The following NCOA5 variants were observed in gnomAD, a reference collection of about 807,000 sequenced individuals.
NCOA5 encodes nuclear receptor coactivator 5, also known as NCoA-5.
Under a neutral mutation model 59.0 loss-of-function variants are expected in NCOA5, and 12 were observed. The observed-to-expected ratio is 0.20, with a 90% CI of 0.13 to 0.33. The LOEUF is 0.33. Ranked by LOEUF, NCOA5 falls within the 10% of genes least tolerant of loss-of-function variation. The pLI is 1.00. For synonymous variants in NCOA5, 270 were observed against 275.5 expected (o/e 0.98, Z 0.20); for missense variants, 655 against 766.6 (o/e 0.85, Z 1.72).
intron 4 of NCOA5, among the ~76,000 whole-genome samples, chr20:46,068,088 AC>A (rs1292123225): frequency 6.6e-6 from 1 of 152,048 alleles, no homozygotes. Flanking sequence ...GCACCACTGC[AC>A]CAAGACAATT....
At chr20:46,087,092 T>C (rs1479295306) in intron 1 of NCOA5, among the ~76,000 whole-genome samples, 1 of 152,202 alleles carries the variant, frequency 6.6e-6, no homozygotes, top group Non-Finnish European at 1.5e-5. Flanking sequence ...AACTAGTTTA[T>C]CAGTCTCATA....
chr20:46,062,932 C>A, intron 7 of NCOA5, 43 bp from the exon 8 acceptor site: 6 of 1,484,768 alleles, frequency 4.0e-6, no homozygotes, highest in Middle Eastern at 2.3e-4. Context: ...AAGTACCCCC[C>A]AAGGGCAGGA....
intron 2 of NCOA5, among the ~76,000 whole-genome samples, chr20:46,072,674 T>C (rs2084895163): frequency 6.6e-6 from 1 of 152,194 alleles, no homozygotes; most frequent in Admixed American, 6.5e-5. Flanking sequence ...TTTACGTGAG[T>C]AGCAGGAAGA....
chr20:46,069,320 A>G (rs2084857060), intron 3 of NCOA5, among the ~76,000 whole-genome samples: 1 of 152,238 alleles, frequency 6.6e-6, no homozygotes, highest in African/African-American at 2.4e-5. Flanking sequence ...AAATCATACA[A>G]TATTTGTCTT....
intron 1 of NCOA5, among the ~76,000 whole-genome samples, chr20:46,083,315 AG>A (rs1187050414): frequency 6.6e-6 from 1 of 152,240 alleles, no homozygotes; most frequent in Non-Finnish European, 1.5e-5. Flanking sequence ...CAGCATGAAA[AG>A]GAAGTCTGCA....
At chr20:46,077,640 T>A (rs2084951368) in intron 2 of NCOA5, among the ~76,000 whole-genome samples, 1 of 152,186 alleles carries the variant, frequency 6.6e-6, no homozygotes, top group African/African-American at 2.4e-5. Flanking sequence ...CAGTGTCTTT[T>A]ATAGTTACAA....
At chr20:46,077,201 T>C (rs1346830524) in intron 2 of NCOA5, among the ~76,000 whole-genome samples, 1 of 152,206 alleles carries the variant, frequency 6.6e-6, no homozygotes, top group Non-Finnish European at 1.5e-5. Flanking sequence ...TGGGCCACTG[T>C]GCCTGGCTAG....
intron 1 of NCOA5, among the ~76,000 whole-genome samples, chr20:46,083,698 ATTAC>A (rs1331192218): frequency 2.0e-5 from 3 of 152,244 alleles, no homozygotes; most frequent in African/African-American, 7.2e-5. Context: ...ACAATCAAGA[ATTAC>A]TAAAGTGGCA....
At chr20:46,086,309 G>C (rs1285316394) in intron 1 of NCOA5, among the ~76,000 whole-genome samples, 1 of 152,176 alleles carries the variant, frequency 6.6e-6, no homozygotes, top group Non-Finnish European at 1.5e-5. Flanking sequence ...TGATTCTTAT[G>C]AGGTGAACTA....
chr20:46,063,771 C>T, intron 6 of NCOA5, 91 bp from the exon 7 acceptor site: 1 of 1,264,604 alleles, frequency 7.9e-7, no homozygotes, highest in Non-Finnish European at 1.1e-6. Context: ...TAACCTCATA[C>T]CAGCAAGAAA....
intron 6 of NCOA5, 45 bp from the exon 7 acceptor site, chr20:46,063,725 T>A: frequency 6.4e-7 from 1 of 1,563,876 alleles, no homozygotes; most frequent in Non-Finnish European, 8.7e-7. Flanking sequence ...ATGACATATT[T>A]AAGTGCCCAC....
chr20:46,070,667 T>A, intron 2 of NCOA5, 131 bp from the exon 3 acceptor site: 1 of 792,042 alleles, frequency 1.3e-6, no homozygotes, highest in Non-Finnish European at 2.0e-6. Flanking sequence ...AGAACATGAC[T>A]CAACATTTAA....
Position 46,062,483 on chromosome 20 carries a change from A to G in NCOA5, c.1557T>C (p.Ala519=), listed in dbSNP as rs1414957821. ...FGQPSSRLAP[A]SNMTSQRPVS... ...CAGGCCTCTGGCTAGTCATGTTGCTAGCAGGTGCCAGGCGACTGGAAGGCT... is the reference window on the plus strand; with the variant it reads ...CAGGCCTCTGGCTAGTCATGTTGCTGGCAGGTGCCAGGCGACTGGAAGGCT... Residue 519 remains alanine, a synonymous_variant, in exon 8 of 8, where the codon GCT becomes GCC. Coordinates refer to ENST00000290231, the MANE Select transcript of NCOA5 (RefSeq NM_020967.3). 1.9e-6 allele frequency: 3 copies of G among 1,614,138 alleles called. No individual in the cohort carries two copies. The highest frequency in any genetic ancestry group is 3.3e-4 in the Middle Eastern group (2 of 6,060).
Position 46,067,936 on chromosome 20 carries a change from C to CT in NCOA5, c.502+565dup, listed in dbSNP as rs879479204. Reference sequence around the variant, plus strand: ...GCTCCAATCTTTTGTTCATTTTTCTCTTTTTTTTTTTTGAGACAGGGTCTC... The same window carrying CT: ...GCTCCAATCTTTTGTTCATTTTTCTCTTTTTTTTTTTTTGAGACAGGGTCTC... On this transcript the variant is annotated intron_variant, in intron 4 of 7. Coordinates refer to ENST00000290231, the MANE Select transcript of NCOA5 (RefSeq NM_020967.3). 1.2e-3 allele frequency among the ~76,000 whole-genome samples: 178 copies of CT among 145,562 alleles called. 2 individuals carry two copies. Among genetic ancestry groups the CT allele is most frequent in the Middle Eastern group, 3.6e-3 (1 of 280 alleles).
chr20:46,083,566 A>G (rs988355865), intron 1 of NCOA5, among the ~76,000 whole-genome samples: 1 of 152,232 alleles, frequency 6.6e-6, no homozygotes, highest in African/African-American at 2.4e-5. Context: ...AGCCACATGA[A>G]CTACAACACT....
At chr20:46,071,849 A>C (rs907444210) in intron 2 of NCOA5, among the ~76,000 whole-genome samples, 3 of 152,182 alleles carry the variant, frequency 2.0e-5, no homozygotes, top group Non-Finnish European at 4.4e-5. Context: ...TGCTCAGCTC[A>C]GGGCACTTTC....
chr20:46,078,987 T>G (rs974376812), intron 2 of NCOA5, among the ~76,000 whole-genome samples: 1 of 152,188 alleles, frequency 6.6e-6, no homozygotes, highest in African/African-American at 2.4e-5. Context: ...GGTTAACATC[T>G]GGACCGGCAG....
At chr20:46,071,141 T>TA (rs1157485401) in intron 2 of NCOA5, among the ~76,000 whole-genome samples, 256 of 137,902 alleles carry the variant, frequency 1.9e-3, no homozygotes, top group East Asian at 2.6e-3. Context: ...CAAGATGGTT[T>TA]AAAAAAAAAA....
chr20:46,067,159 CCGTTCCTCA>C lies in NCOA5; in HGVS notation c.516_524del (p.Glu173_Arg175del), dbSNP rs780432785. 29 of 1,613,728 alleles carry C rather than the reference CCGTTCCTCA, an allele frequency of 1.8e-5. No individual in the cohort carries two copies. ...ATTGACGATAAAGCTCTTCTCTACG[CCGTTCCTCA>C]CGTTTCAAACGCTCTGCAAAACACC... On this transcript the variant is annotated inframe_deletion, in exon 5 of 8. Transcript: ENST00000290231.
Sources: gnomAD v4.1 joint callset for allele counts (sites outside exome capture counted in the v4.1 genomes callset) on GRCh38, gnomAD v4.1.1 for gene constraint, MANE v1.5 for transcripts, NCBI Gene and HGNC (gene_info 2026-07-23, HGNC 2026-07-21) for gene names.